LRRIQ1: variants seen among roughly 807,000 people sequenced by gnomAD.
LRRIQ1 encodes leucine rich repeats and IQ motif containing 1, also known as leucine-rich repeat- and IQ domain-containing protein 1.
A neutral mutation model predicts 211.9 loss-of-function variants in LRRIQ1; 210 were observed. The observed-to-expected ratio is 0.99, with a 90% CI of 0.89 to 1.11. The LOEUF is 1.11. Among genes scored for constraint, LRRIQ1 ranks in the 50% most tolerant of loss-of-function variants. The pLI, the probability that LRRIQ1 is intolerant of heterozygous loss-of-function variation, is 0.00. For synonymous variants in LRRIQ1, 699 were observed against 650.1 expected, an observed-to-expected ratio of 1.08 and a Z score of -1.14; for missense variants, 2,136 against 1,939.5, an observed-to-expected ratio of 1.10 and a Z score of -1.90.
intron 14 of LRRIQ1, 128 bp downstream of exon 14, chr12:85,104,205 T>G (rs1239069521): frequency 2.3e-6 from 1 of 425,652 alleles, no homozygotes; most frequent in Non-Finnish European, 4.0e-6. Context: ...AAATAAAGCA[T>G]GCTGAAATAA....
chr12:85,177,423 C>T (rs1891761054), intron 24 of LRRIQ1, among the ~76,000 whole-genome samples: 1 of 151,770 alleles, frequency 6.6e-6, no homozygotes, highest in South Asian at 2.1e-4. Context: ...AGCCCAGAGA[C>T]ATGAGGGAAG....
chr12:85,233,095 C>A, intron 26 of LRRIQ1: 1 of 217,824 alleles, frequency 4.6e-6, no homozygotes, highest in Admixed American at 5.7e-5. Context: ...GGAGGAAATA[C>A]CAAAGCACCC....
At chr12:85,176,879 G>T (rs1389636375) in intron 24 of LRRIQ1, among the ~76,000 whole-genome samples, 2 of 151,656 alleles carry the variant, frequency 1.3e-5, no homozygotes, top group African/African-American at 4.8e-5. Context: ...ATGGTTTTTG[G>T]CCTGTTTCTT....
At chr12:85,111,945 T>TATAC (rs1887204732) in intron 15 of LRRIQ1, among the ~76,000 whole-genome samples, 2 of 148,068 alleles carry the variant, frequency 1.4e-5, no homozygotes, top group Non-Finnish European at 1.5e-5. Context: ...TATATATATA[T>TATAC]ACACACACAC....
chr12:85,068,561 A>G (rs2136079372), intron 10 of LRRIQ1, among the ~76,000 whole-genome samples: 1 of 151,830 alleles, frequency 6.6e-6, no homozygotes, highest in Middle Eastern at 3.4e-3. Context: ...ATTCCTTCAT[A>G]CTTCAGGAGA....
chr12:85,232,282 A>G (rs1894979659), intron 25 of LRRIQ1, among the ~76,000 whole-genome samples: 1 of 152,100 alleles, frequency 6.6e-6, no homozygotes, highest in South Asian at 2.1e-4. Context: ...TATTTTGAAT[A>G]TTAGTATAAC....
At chr12:85,115,283 T>C (rs1247833719) in intron 15 of LRRIQ1, among the ~76,000 whole-genome samples, 3 of 152,232 alleles carry the variant, frequency 2.0e-5, no homozygotes, top group Non-Finnish European at 4.4e-5. Context: ...TAAACTCTTA[T>C]AAGTCTGCAT....
chr12:85,095,074 T>A (rs1885753199), intron 11 of LRRIQ1, among the ~76,000 whole-genome samples: 1 of 152,068 alleles, frequency 6.6e-6, no homozygotes, highest in African/African-American at 2.4e-5. Context: ...GTGAGGTATT[T>A]TACTTCTTTT....
chr12:85,201,838 G>C (rs1253238131), intron 24 of LRRIQ1, among the ~76,000 whole-genome samples: 2 of 151,866 alleles, frequency 1.3e-5, no homozygotes, highest in African/African-American at 4.8e-5. Flanking sequence ...TTTTAAGTTG[G>C]TTTTCTCTTG....
chr12:85,160,719 G>A lies in LRRIQ1; in HGVS notation c.4822+5G>A, dbSNP rs199733786. 9.9e-4 allele frequency: 1,519 copies of A among 1,532,474 alleles called. 12 individuals are homozygous for A. In the African/African-American group the frequency reaches 0.018, roughly 18 times the overall value. The allele number at this position is 1,532,474 out of a possible 1,614,324, so 94.9% of individuals were successfully genotyped here. A position where few individuals can be genotyped will look rare whatever the true frequency, so the allele number is the denominator to read the frequency against. On this transcript the variant is annotated splice_donor_5th_base_variant and intron_variant, in intron 24 of 26. Transcript: ENST00000393217. ...GAAGAGATGGTTACTTTGAAGGTATGGCTTAATAACAGATACATAGAGAGG... is the reference window on the plus strand; with the variant it reads ...GAAGAGATGGTTACTTTGAAGGTATAGCTTAATAACAGATACATAGAGAGG...
rs1882329959 is a variant in LRRIQ1, at chr12:85,065,413, A to G, written c.2543A>G (p.Gln848Arg). 1.2e-6 allele frequency: 2 copies of G among 1,601,324 alleles called. No homozygotes were observed. Among genetic ancestry groups the G allele is most frequent in the Admixed American group, 1.7e-5 (1 of 58,894 alleles). The part of the protein sequence containing the change: ...NCKKLKYIDA[Q>R]ENHIEAIECE... ...AAAAAACTTAAGTACATTGATGCAC[A>G]GGTATGCTCTCTGCCCTACTGTTAT... The change falls in exon 9 of 27, where the codon CAG (glutamine) becomes CGG (arginine). Residue 848 changes from glutamine to arginine, a missense_variant and splice_region_variant. Physicochemically the swap from Gln to Arg is conservative, Grantham distance 43. Coordinates refer to ENST00000393217, the MANE Select transcript of LRRIQ1 (RefSeq NM_001079910.2).
At chr12:85,261,823 CTTG>C (rs1187247076) in intron 1 of LRRIQ1, among the ~76,000 whole-genome samples, 1 of 149,400 alleles carries the variant, frequency 6.7e-6, no homozygotes, top group Non-Finnish European at 1.5e-5. Flanking sequence ...GAGTTTGGCT[CTTG>C]TTGTCCAGGC....
At chr12:85,140,363 G>T (rs1480455423) in intron 19 of LRRIQ1, among the ~76,000 whole-genome samples, 2 of 149,228 alleles carry the variant, frequency 1.3e-5, no homozygotes, top group African/African-American at 4.9e-5. Flanking sequence ...TGGAGATTTT[G>T]TTCGTAGTGG....
chr12:85,159,627 A>T (rs1210780285), intron 23 of LRRIQ1: 1 of 152,056 alleles, frequency 6.6e-6, no homozygotes, highest in African/African-American at 2.4e-5. Flanking sequence ...TGATGTTGTC[A>T]GAAAATACAT....
At chr12:85,245,890 G>C (rs187643357), downstream of LRRIQ1, among the ~76,000 whole-genome samples, 1 of 150,404 alleles carries the variant, frequency 6.6e-6, no homozygotes, top group African/African-American at 2.4e-5. Flanking sequence ...TATATATATA[G>C]AGAGAGAGAC....
Position 85,153,737 on chromosome 12 carries a change from A to G in LRRIQ1, c.4616A>G (p.Glu1539Gly), listed in dbSNP as rs746399504. ...SRKSLLKSEK[E>G]KKISEEWGFK... ...AAGAGTTTGCTAAAATCTGAAAAAG[A>G]AAAAAAAATTTCAGAAGAATGGTAT... is the stretch of plus-strand genomic sequence containing the variant. Residue 1539 changes from glutamate (E) to glycine (G), a missense_variant, in exon 22 of 27, where the codon GAA (glutamate) becomes GGA (glycine). Glu to Gly is a moderately conservative substitution (Grantham distance 98). Transcript: ENST00000393217. 7 of 1,557,350 alleles carry G rather than the reference A, an allele frequency of 4.5e-6. No homozygotes were observed. The East Asian group carries it at 1.4e-4, about 31-fold the overall frequency.
chr12:85,094,944 C>A (rs1359633859), intron 11 of LRRIQ1, among the ~76,000 whole-genome samples: 1 of 152,008 alleles, frequency 6.6e-6, no homozygotes. Flanking sequence ...TATAGAAATG[C>A]TACTGATTTT....
intron 11 of LRRIQ1, among the ~76,000 whole-genome samples, chr12:85,095,763 C>G (rs981710258): frequency 6.6e-6 from 1 of 152,000 alleles, no homozygotes; most frequent in Non-Finnish European, 1.5e-5. Flanking sequence ...TCCATCTGGT[C>G]CAGGGCTCTT....
At chr12:85,087,987 T>G (rs1225070682) in intron 11 of LRRIQ1, among the ~76,000 whole-genome samples, 1 of 152,236 alleles carries the variant, frequency 6.6e-6, no homozygotes, top group Non-Finnish European at 1.5e-5. Flanking sequence ...TTGTTGCCAT[T>G]GCTTTCGGTG....
Sources: allele counts gnomAD v4.1 joint callset (sites outside exome capture counted in the v4.1 genomes callset), GRCh38; gene constraint gnomAD v4.1.1; transcripts MANE v1.5; gene names NCBI Gene and HGNC (gene_info 2026-07-23, HGNC 2026-07-21).